MLEC: variants seen among roughly 807,000 people sequenced by gnomAD.
The protein encoded by MLEC is oligosaccharyltransferase complex subunit (non-catalytic).
In MLEC, 7 loss-of-function variants were observed where a neutral mutation model predicts 28.7. That is an observed-to-expected ratio of 0.24 (90% CI 0.14 to 0.46). The LOEUF (loss-of-function observed/expected upper bound fraction) is 0.46. Ranked by LOEUF, MLEC falls within the 20% of genes least tolerant of loss-of-function variation. MLEC has a pLI of 0.99. For synonymous variants in MLEC, 142 were observed against 164.4 expected, an observed-to-expected ratio of 0.86 and a Z score of 1.04; for missense variants, 237 against 391.1, an observed-to-expected ratio of 0.61 and a Z score of 3.32.
intron 1 of MLEC, among the ~76,000 whole-genome samples, chr12:120,693,576 G>C (rs76982172): frequency 6.6e-6 from 1 of 152,152 alleles, no homozygotes; most frequent in Non-Finnish European, 1.5e-5. Context: ...AATTTTATTC[G>C]TAAGGACAAT....
Position 120,694,905 on chromosome 12 carries a change from G to A in MLEC, c.496G>A (p.Asp166Asn). 5.6e-6 allele frequency: 9 copies of A among 1,614,194 alleles called. No homozygotes were observed. The highest frequency in any genetic ancestry group is 7.6e-6 in the Non-Finnish European group (9 of 1,180,038). ...FDRVGHSTAH[D>N]EIIPMSIRKG... ...TCGTGTTGGGCATAGCACAGCTCACGATGAAATTATACCTATGAGCATCAG... is the reference window on the plus strand; with the variant it reads ...TCGTGTTGGGCATAGCACAGCTCACAATGAAATTATACCTATGAGCATCAG... The change falls in exon 3 of 5, where the codon GAT becomes AAT. Residue 166 changes from aspartate to asparagine, a missense_variant. Coordinates refer to ENST00000228506, the MANE Select transcript of MLEC (RefSeq NM_014730.4). This position sits in a 1 kb window ranked among gnomAD's most constrained non-coding sequence, Gnocchi z 4.5.
rs536087467 is a variant in MLEC, at chr12:120,700,610, G to T, written c.*4065G>T. Reference sequence around the variant, plus strand: ...TCTCAGAAGAAATCTGCTTCTCTTCGATGGAAAGATATAATTAACGATCAA... The same window carrying T: ...TCTCAGAAGAAATCTGCTTCTCTTCTATGGAAAGATATAATTAACGATCAA... On this transcript the variant is annotated 3_prime_UTR_variant, in exon 5 of 5. Coordinates refer to ENST00000228506, the MANE Select transcript of MLEC (RefSeq NM_014730.4). The surrounding 1 kb of genome is among the most constrained non-coding windows in gnomAD (Gnocchi z 4.0). 2 of 152,262 alleles carry T rather than the reference G, an allele frequency of 1.3e-5. No individual in the cohort carries two copies. The highest frequency in any genetic ancestry group is 2.1e-4 in the South Asian group (1 of 4,830). 9.4% of individuals were successfully genotyped at this position (152,262 alleles called of 1,614,324 possible).
At position 120,687,906 on chromosome 12, in the gene MLEC, TC is replaced by T. The variant is rs1426456539; in HGVS notation, c.235+376del. Among the ~76,000 whole-genome samples, 1 of 152,130 alleles carries T rather than the reference TC, an allele frequency of 6.6e-6. No individual in the cohort carries two copies. Among genetic ancestry groups the T allele is most frequent in the Non-Finnish European group, 1.5e-5 (1 of 68,002 alleles). On this transcript the variant is annotated intron_variant, in intron 1 of 4. Transcript: ENST00000228506. This position sits in a 1 kb window ranked among gnomAD's most constrained non-coding sequence, Gnocchi z 8.1. The stretch of plus-strand genomic sequence containing the variant: ...CCTGTCGAGACAGTTCTTGGGAGAT[TC>T]TCGTCGACCCAGGAATCGGCCGCTT...
Position 120,694,123 on chromosome 12 carries a change from C to T in MLEC, c.268C>T (p.Arg90Cys), listed in dbSNP as rs750430221. The T allele has an allele frequency of 1.2e-6, 2 of 1,614,098 alleles. No individual in the cohort carries two copies. The highest frequency in any genetic ancestry group is 1.7e-6 in the Non-Finnish European group (2 of 1,179,974). Residue 90 changes from arginine to cysteine, a missense_variant, in exon 2 of 5, where the codon CGT becomes TGT. Arg to Cys is a radical substitution (Grantham distance 180). Transcript: ENST00000228506. The surrounding 1 kb of genome is among the most constrained non-coding windows in gnomAD (Gnocchi z 4.5). Reference protein sequence around the residue: ...SDYGMKLPILRSNPEDQILYQ... With the variant: ...SDYGMKLPILCSNPEDQILYQ... ...CTATGGCATGAAACTGCCAATCCTG[C>T]GTTCCAACCCTGAGGACCAGATCCT...
intron 1 of MLEC, among the ~76,000 whole-genome samples, chr12:120,689,024 G>A (rs1881936082): frequency 6.6e-6 from 1 of 152,228 alleles, no homozygotes; most frequent in Non-Finnish European, 1.5e-5. Flanking sequence ...TCTTGAGATA[G>A]CGGTGGTGAG....
Position 120,697,901 on chromosome 12 carries a change from G to A in MLEC, c.*1356G>A, listed in dbSNP as rs1234978542. ...TCCAAGTAGCAGTCAGGTTCTTGGT[G>A]TGATGGGACTGAAAGAATTCCAGTC... On this transcript the variant is annotated 3_prime_UTR_variant, in exon 5 of 5. Coordinates refer to ENST00000228506, the MANE Select transcript of MLEC (RefSeq NM_014730.4). The surrounding 1 kb of genome is among the most constrained non-coding windows in gnomAD (Gnocchi z 4.8). The A allele has an allele frequency of 6.6e-6, 1 of 152,226 alleles. No homozygotes were observed. Among genetic ancestry groups the A allele is most frequent in the Non-Finnish European group, 1.5e-5 (1 of 68,038 alleles). 9.4% of individuals were successfully genotyped at this position (152,226 alleles called of 1,614,324 possible).
In MLEC at chr12:120,697,078, AAG is replaced by A. The variant is rs966108374; in HGVS notation, c.*535_*536del. 37 of 153,306 alleles carry A rather than the reference AAG, an allele frequency of 2.4e-4. No individual in the cohort carries two copies. Among genetic ancestry groups the A allele is most frequent in the African/African-American group, 8.4e-4 (35 of 41,434 alleles). The allele number at this position is 153,306 out of a possible 1,614,324, so 9.5% of individuals were successfully genotyped here. A position where few individuals can be genotyped will look rare whatever the true frequency, so the allele number is the denominator to read the frequency against. On this transcript the variant is annotated 3_prime_UTR_variant, in exon 5 of 5. Coordinates refer to ENST00000228506, the MANE Select transcript of MLEC (RefSeq NM_014730.4). This position sits in a 1 kb window ranked among gnomAD's most constrained non-coding sequence, Gnocchi z 4.8. ...AAAAAAAGTAGGGAGATTAAAAAAA[AAG>A]AAAGAAAATGCTTCCTTATCTGGAA...
At chr12:120,692,844 A>C (rs952531411) in intron 1 of MLEC, among the ~76,000 whole-genome samples, 6 of 151,932 alleles carry the variant, frequency 3.9e-5, no homozygotes, top group Non-Finnish European at 8.8e-5. Flanking sequence ...TACTGTGTTT[A>C]TAGGATAAAG....
In MLEC at chr12:120,700,400, C is replaced by T. The variant is rs1461952670; in HGVS notation, c.*3855C>T. 2.0e-5 allele frequency: 3 copies of T among 152,688 alleles called. No individual in the cohort carries two copies. In the East Asian group the frequency reaches 5.8e-4, roughly 29 times the overall value. 9.5% of individuals were successfully genotyped at this position (152,688 alleles called of 1,614,324 possible). A position where few individuals can be genotyped will look rare whatever the true frequency, so the allele number is the denominator to read the frequency against. On this transcript the variant is annotated 3_prime_UTR_variant, in exon 5 of 5. Coordinates refer to ENST00000228506, the MANE Select transcript of MLEC (RefSeq NM_014730.4). This position sits in a 1 kb window ranked among gnomAD's most constrained non-coding sequence, Gnocchi z 4.0. ...TGTCCTCCATGCCCCTCCAGAAGGA[C>T]CTAGGAGAGTAGGTGAGCTTTCCAA...
intron 1 of MLEC, among the ~76,000 whole-genome samples, chr12:120,689,769 C>G (rs1881969974): frequency 6.6e-6 from 1 of 152,302 alleles, no homozygotes; most frequent in Non-Finnish European, 1.5e-5. Context: ...GAACTGTATG[C>G]CTTATTTCTT....
Position 120,700,425 on chromosome 12 carries a change from A to G in MLEC, c.*3880A>G, listed in dbSNP as rs1165552445. Reference sequence around the variant, plus strand: ...CCTAGGAGAGTAGGTGAGCTTTCCAAAGTGAGAGACGAATCTTTCTTTCTT... The same window carrying G: ...CCTAGGAGAGTAGGTGAGCTTTCCAGAGTGAGAGACGAATCTTTCTTTCTT... On this transcript the variant is annotated 3_prime_UTR_variant, in exon 5 of 5. Transcript: ENST00000228506. This position sits in a 1 kb window ranked among gnomAD's most constrained non-coding sequence, Gnocchi z 4.0. 1 of 152,552 alleles carries G rather than the reference A, an allele frequency of 6.6e-6. No individual in the cohort carries two copies. Among genetic ancestry groups the G allele is most frequent in the African/African-American group, 2.4e-5 (1 of 41,422 alleles). 9.4% of individuals were successfully genotyped at this position (152,552 alleles called of 1,614,324 possible). A position where few individuals can be genotyped will look rare whatever the true frequency, so the allele number is the denominator to read the frequency against.
In MLEC at chr12:120,694,260, C is replaced by T. The variant is rs779791115; in HGVS notation, c.405C>T (p.Ser135=). ...LKFAEVYFAQ[S]QQKVFDVRLN... ...TTGCAGAGGTCTACTTTGCACAGTC[C>T]CAGCAAAAGGTGAGGCCTAGTCAGG... The change falls in exon 2 of 5, where the codon TCC becomes TCT. Residue 135 remains serine (S), a synonymous_variant. Transcript: ENST00000228506. The surrounding 1 kb of genome is among the most constrained non-coding windows in gnomAD (Gnocchi z 4.5). 3.2e-5 allele frequency: 51 copies of T among 1,613,594 alleles called. No homozygotes were observed. The Admixed American group carries it at 8.2e-4, about 26-fold the overall frequency.
At position 120,694,085 on chromosome 12, in the gene MLEC, C is replaced by T. The variant is rs1882133377; in HGVS notation, c.236-6C>T. 1 of 1,611,266 alleles carries T rather than the reference C, an allele frequency of 6.2e-7. No homozygotes were observed. The highest frequency in any genetic ancestry group is 1.3e-5 in the African/African-American group (1 of 74,834). On this transcript the variant is annotated splice_polypyrimidine_tract_variant and splice_region_variant and intron_variant, in intron 1 of 4. Coordinates refer to ENST00000228506, the MANE Select transcript of MLEC (RefSeq NM_014730.4). This position sits in a 1 kb window ranked among gnomAD's most constrained non-coding sequence, Gnocchi z 4.5. ...GATGTGCTTTCTCTTTGTCTTTTGT[C>T]CTCAGCCTCAGACTATGGCATGAAA...
rs1290401477 is a variant in MLEC, at chr12:120,697,612, C to G, written c.*1067C>G. 1 of 152,668 alleles carries G rather than the reference C, an allele frequency of 6.6e-6. No homozygotes were observed. The highest frequency in any genetic ancestry group is 2.4e-5 in the African/African-American group (1 of 41,446). The allele number at this position is 152,668 out of a possible 1,614,324, so 9.5% of individuals were successfully genotyped here. A position where few individuals can be genotyped will look rare whatever the true frequency, so the allele number is the denominator to read the frequency against. On this transcript the variant is annotated 3_prime_UTR_variant, in exon 5 of 5. Coordinates refer to ENST00000228506, the MANE Select transcript of MLEC (RefSeq NM_014730.4). This position sits in a 1 kb window ranked among gnomAD's most constrained non-coding sequence, Gnocchi z 4.8. ...CTTGACCTTAAAAGTCTCTTCTGGT[C>G]TTTGGATTAGAAAAGGCTTATGTTA...
At position 120,698,006 on chromosome 12, in the gene MLEC, A is replaced by C. The variant is rs142601554; in HGVS notation, c.*1461A>C. ...AATTCCCTGAAAAAATTTCTATAGG[A>C]AATGAAGCTTCCCTGGTCCCCTCCT... On this transcript the variant is annotated 3_prime_UTR_variant, in exon 5 of 5. Coordinates refer to ENST00000228506, the MANE Select transcript of MLEC (RefSeq NM_014730.4). The C allele has an allele frequency of 5.3e-5, 8 of 152,232 alleles. No individual in the cohort carries two copies. Among genetic ancestry groups the C allele is most frequent in the African/African-American group, 1.2e-4 (5 of 41,544 alleles). The allele number at this position is 152,232 out of a possible 1,614,324, so 9.4% of individuals were successfully genotyped here. A position where few individuals can be genotyped will look rare whatever the true frequency, so the allele number is the denominator to read the frequency against.
chr12:120,692,847 G>A (rs540261392), intron 1 of MLEC, among the ~76,000 whole-genome samples: 1 of 151,868 alleles, frequency 6.6e-6, no homozygotes, highest in African/African-American at 2.4e-5. Context: ...TGTGTTTATA[G>A]GATAAAGGAG....
In MLEC at chr12:120,687,649, TTCTC is replaced by T. The variant is rs988036824; in HGVS notation, c.235+122_235+125del. 2.7e-6 allele frequency: 2 copies of T among 735,308 alleles called. No individual in the cohort carries two copies. The highest frequency in any genetic ancestry group is 3.7e-5 in the African/African-American group (2 of 53,810). 45.5% of individuals were successfully genotyped at this position (735,308 alleles called of 1,614,324 possible). A position where few individuals can be genotyped will look rare whatever the true frequency, so the allele number is the denominator to read the frequency against. Reference sequence around the variant, plus strand: ...TGGGGCCGCGTCTCTGGAGCGAAGTTTCTCTCTGCAGCTTCTTCGGGGGCCCGCT... The same window carrying T: ...TGGGGCCGCGTCTCTGGAGCGAAGTTTCTGCAGCTTCTTCGGGGGCCCGCT... On this transcript the variant is annotated intron_variant, in intron 1 of 4. Transcript: ENST00000228506. This position sits in a 1 kb window ranked among gnomAD's most constrained non-coding sequence, Gnocchi z 8.1.
Position 120,694,355 on chromosome 12 carries a change from G to A in MLEC, c.414+86G>A, listed in dbSNP as rs1319334914. ...GATTATGGGGCTAGAGAGTGTGAGAGTCTCTCCAGAAAGGCAGAACAGATG... is the reference window on the plus strand; with the variant it reads ...GATTATGGGGCTAGAGAGTGTGAGAATCTCTCCAGAAAGGCAGAACAGATG... On this transcript the variant is annotated intron_variant, in intron 2 of 4. Coordinates refer to ENST00000228506, the MANE Select transcript of MLEC (RefSeq NM_014730.4). This position sits in a 1 kb window ranked among gnomAD's most constrained non-coding sequence, Gnocchi z 4.5. 2.9e-6 allele frequency: 4 copies of A among 1,390,200 alleles called. No homozygotes were observed. The highest frequency in any genetic ancestry group is 4.0e-6 in the Non-Finnish European group (4 of 1,009,432). 86.1% of individuals were successfully genotyped at this position (1,390,200 alleles called of 1,614,324 possible).
Position 120,687,494 on chromosome 12 carries a change from C to T in MLEC, c.198C>T (p.His66=). ...CGCATGTGGACGTGCACGGGATCCA[C>T]TTCCGCAAGGACCCTTTGGAAGGCC... ...GEAHVDVHGI[H]FRKDPLEGRV... is the part of the protein sequence containing the mutation. The change falls in exon 1 of 5, where the codon CAC becomes CAT. Residue 66 remains histidine, a synonymous_variant. Transcript: ENST00000228506. This position sits in a 1 kb window ranked among gnomAD's most constrained non-coding sequence, Gnocchi z 8.1. The T allele has an allele frequency of 6.8e-7, 1 of 1,459,994 alleles. No individual in the cohort carries two copies. 90.4% of individuals were successfully genotyped at this position (1,459,994 alleles called of 1,614,324 possible). A position where few individuals can be genotyped will look rare whatever the true frequency, so the allele number is the denominator to read the frequency against.
Sources: allele counts gnomAD v4.1 joint callset (sites outside exome capture counted in the v4.1 genomes callset), GRCh38; gene constraint gnomAD v4.1.1; non-coding constraint Gnocchi (gnomAD v3.1); transcripts MANE v1.5; gene names NCBI Gene and HGNC (gene_info 2026-07-23, HGNC 2026-07-21).